SCGB2B2: variants seen among roughly 807,000 people sequenced by gnomAD.
SCGB2B2 encodes the protein secretoglobin family 2B member 2, also known as secretoglobin-like protein.
SCGB2B2 carries 11 observed loss-of-function variants against 7.6 expected under a neutral mutation model. The ratio of observed to expected loss-of-function variants is 1.45; its 90% confidence interval spans 0.91 to 2.40. SCGB2B2 has a LOEUF of 2.40. SCGB2B2 is among the 30% of genes most tolerant of loss of function. The pLI, the probability that SCGB2B2 is intolerant of heterozygous loss-of-function variation, is 0.00. For synonymous variants in SCGB2B2, 50 were observed against 48.6 expected, an observed-to-expected ratio of 1.03 and a Z score of -0.12; for missense variants, 104 against 115.4, an observed-to-expected ratio of 0.90 and a Z score of 0.45.
intron 1 of SCGB2B2, among the ~76,000 whole-genome samples, chr19:34,650,888 T>A (rs1257534750): frequency 6.6e-6 from 1 of 151,202 alleles, no homozygotes; most frequent in African/African-American, 2.5e-5. Flanking sequence ...AGCAGTACAT[T>A]AAAGTAATCA....
intron 1 of SCGB2B2, among the ~76,000 whole-genome samples, chr19:34,633,631 G>A (rs988801117): frequency 1.3e-5 from 2 of 152,146 alleles, no homozygotes; most frequent in South Asian, 2.1e-4. Flanking sequence ...GAGGGAAAGA[G>A]GGATTTTAAA....
chr19:34,649,949 A>G (rs764324716), intron 1 of SCGB2B2, among the ~76,000 whole-genome samples: 3 of 151,136 alleles, frequency 2.0e-5, no homozygotes, highest in Non-Finnish European at 4.4e-5. Flanking sequence ...TTCTTCTTCA[A>G]GTCAAGGGTG....
At chr19:34,656,405 C>T (rs1480994485) in intron 1 of SCGB2B2, among the ~76,000 whole-genome samples, 1 of 151,108 alleles carries the variant, frequency 6.6e-6, no homozygotes, top group Non-Finnish European at 1.5e-5. Flanking sequence ...GAGTTCAAGA[C>T]CATGTTGGGC....
rs536505978 is a variant in SCGB2B2 at position 34,655,773 on chromosome 19, G to C, written c.-2032+19857C>G. ...CCAATAAGAAAAGTGAGAAACCCAA[G>C]GCAAGCAAGAGCAACATATCTAACG... On this transcript the variant is annotated intron_variant, in intron 1 of 3. Transcript: ENST00000601241. Among the ~76,000 whole-genome samples, 3 of 151,324 alleles carry C rather than the reference G, an allele frequency of 2.0e-5. No individual in the cohort carries two copies. The South Asian group carries it at 6.2e-4, about 31-fold the overall frequency.
At chr19:34,643,202 T>C (rs1006154900) in intron 1 of SCGB2B2, among the ~76,000 whole-genome samples, 29 of 152,158 alleles carry the variant, frequency 1.9e-4, no homozygotes, top group African/African-American at 7.0e-4. Flanking sequence ...ATGTGGTACA[T>C]ATACACAATG....
At chr19:34,641,495 A>T (rs2066839141) in intron 1 of SCGB2B2, among the ~76,000 whole-genome samples, 1 of 152,126 alleles carries the variant, frequency 6.6e-6, no homozygotes, top group Admixed American at 6.5e-5. Context: ...AATTGAACTA[A>T]ATTTGGCCTG....
At chr19:34,638,477 C>T (rs1231851467) in intron 1 of SCGB2B2, among the ~76,000 whole-genome samples, 2 of 151,332 alleles carry the variant, frequency 1.3e-5, no homozygotes, top group Admixed American at 6.6e-5. Context: ...CCATCCCCCC[C>T]CAAAAAAACA....
In SCGB2B2 at chr19:34,601,082, A is replaced by G. The variant is rs564302009; in HGVS notation, c.-2031-4488T>C. On this transcript the variant is annotated intron_variant, in intron 1 of 3. Coordinates refer to ENST00000601241, the MANE Select transcript of SCGB2B2 (RefSeq NM_001025591.4). ...ATGGACTTTGTGTAAGGTGTGGGTA[A>G]GAGTCCAATACCTTTTTAATTATTT... Among the ~76,000 whole-genome samples, 256 of 152,326 alleles carry G rather than the reference A, an allele frequency of 1.7e-3. 1 individual carries two copies. The highest frequency in any genetic ancestry group is 5.7e-3 in the African/African-American group (236 of 41,560).
chr19:34,622,149 C>T (rs2066258756), intron 1 of SCGB2B2, among the ~76,000 whole-genome samples: 2 of 152,232 alleles, frequency 1.3e-5, no homozygotes, highest in South Asian at 4.1e-4. Context: ...GCTGGCCGTA[C>T]TTTAGCCATC....
intron 1 of SCGB2B2, among the ~76,000 whole-genome samples, chr19:34,603,898 C>T (rs1434022423): frequency 6.7e-6 from 1 of 149,966 alleles, no homozygotes; most frequent in African/African-American, 2.4e-5. Flanking sequence ...GCCTCAAACT[C>T]CTGGGCTCAA....
chr19:34,636,636 T>C (rs1568437251), intron 1 of SCGB2B2, among the ~76,000 whole-genome samples: 1 of 152,124 alleles, frequency 6.6e-6, no homozygotes, highest in Non-Finnish European at 1.5e-5. Context: ...GACCTGGAAA[T>C]CAGAGAGGTG....
chr19:34,631,031 G>C (rs1479241303), intron 1 of SCGB2B2, among the ~76,000 whole-genome samples: 1 of 147,494 alleles, frequency 6.8e-6, no homozygotes, highest in Non-Finnish European at 1.5e-5. Context: ...ACCAAACACT[G>C]TATGTTCTCA....
intron 1 of SCGB2B2, among the ~76,000 whole-genome samples, chr19:34,656,653 T>C (rs2067290866): frequency 6.6e-6 from 1 of 151,252 alleles, no homozygotes. Context: ...TAATATATCT[T>C]AATCTAATGA....
chr19:34,636,844 C>G (rs553832991), intron 1 of SCGB2B2, among the ~76,000 whole-genome samples: 5 of 152,192 alleles, frequency 3.3e-5, no homozygotes, highest in East Asian at 1.9e-4. Context: ...CCAGTCCCCG[C>G]CAGAGTCCCT....
intron 1 of SCGB2B2, among the ~76,000 whole-genome samples, chr19:34,663,098 C>T (rs2067510881): frequency 6.6e-6 from 1 of 152,258 alleles, no homozygotes; most frequent in Admixed American, 6.5e-5. Flanking sequence ...GCCCCTGACA[C>T]CTGCCTACCA....
intron 1 of SCGB2B2, among the ~76,000 whole-genome samples, chr19:34,611,517 T>C (rs1226946725): frequency 6.6e-6 from 1 of 152,186 alleles, no homozygotes; most frequent in Non-Finnish European, 1.5e-5. Context: ...GTTGGTTTCA[T>C]CTGAACTCTT....
intron 1 of SCGB2B2, among the ~76,000 whole-genome samples, chr19:34,663,653 G>A (rs181788057): frequency 2.6e-5 from 4 of 152,170 alleles, no homozygotes; most frequent in East Asian, 1.9e-4. Flanking sequence ...GTATTGTGAG[G>A]TTTGCATCAC....
chr19:34,662,590 C>A (rs1387049048), intron 1 of SCGB2B2, among the ~76,000 whole-genome samples: 2 of 151,980 alleles, frequency 1.3e-5, no homozygotes, highest in Non-Finnish European at 2.9e-5. Context: ...AACTTCTGCT[C>A]ATTAAAAACC....
intron 1 of SCGB2B2, among the ~76,000 whole-genome samples, chr19:34,623,886 G>T (rs887772143): frequency 6.6e-6 from 1 of 152,176 alleles, no homozygotes; most frequent in Non-Finnish European, 1.5e-5. Context: ...TACCTTCGAT[G>T]AGGACAGTAC....
Sources: gnomAD v4.1 joint callset for allele counts (sites outside exome capture counted in the v4.1 genomes callset) on GRCh38, gnomAD v4.1.1 for gene constraint, MANE v1.5 for transcripts, NCBI Gene and HGNC (gene_info 2026-07-23, HGNC 2026-07-21) for gene names.